Variants in STEAP1B observed in about 807,000 individuals in gnomAD.
The protein encoded by STEAP1B is STEAP family protein MGC87042.
In STEAP1B, 13 loss-of-function variants were observed where a neutral mutation model predicts 27.9. The ratio of observed to expected loss-of-function variants is 0.47; its 90% CI spans 0.30 to 0.74. The LOEUF is 0.74. Ranked by LOEUF, STEAP1B falls within the 30% of genes least tolerant of loss-of-function variation. The probability of loss-of-function intolerance (pLI) is 0.06; values close to 1 mark genes in which losing one functional copy is unlikely to be tolerated. For missense variants in STEAP1B, 250 were observed against 298.7 expected (o/e 0.84, Z 1.20); for synonymous variants, 86 against 107.1 (o/e 0.80, Z 1.22).
chr7:22,459,321 A>C (rs1225862169), intron 4 of STEAP1B, among the ~76,000 whole-genome samples: 2 of 152,274 alleles, frequency 1.3e-5, no homozygotes, highest in African/African-American at 4.8e-5. Context: ...AAAACAGATA[A>C]AGACAGGGTC....
chr7:22,456,766 C>T (rs1446252460), intron 4 of STEAP1B, among the ~76,000 whole-genome samples: 1 of 150,850 alleles, frequency 6.6e-6, no homozygotes, highest in Non-Finnish European at 1.5e-5. Flanking sequence ...CTGGTTTAGG[C>T]CAAGAAGGGA....
intron 4 of STEAP1B, among the ~76,000 whole-genome samples, chr7:22,440,922 G>A (rs887428118): frequency 2.0e-5 from 3 of 150,124 alleles, no homozygotes; most frequent in Non-Finnish European, 4.4e-5. Context: ...TAAAAATTGT[G>A]CTTTAATATT....
intron 4 of STEAP1B, among the ~76,000 whole-genome samples, chr7:22,425,063 T>G (rs142159062): frequency 7.0e-4 from 106 of 152,290 alleles, no homozygotes; most frequent in Admixed American, 2.9e-3. Context: ...ACACATAATT[T>G]AATGCTCTTT....
chr7:22,478,285 A>T (rs1331238954), intron 4 of STEAP1B, among the ~76,000 whole-genome samples: 1 of 152,246 alleles, frequency 6.6e-6, no homozygotes, highest in Non-Finnish European at 1.5e-5. Flanking sequence ...GACAGACTGC[A>T]GAGATGCCCA....
intron 4 of STEAP1B, among the ~76,000 whole-genome samples, chr7:22,420,381 G>C (rs1385290450): frequency 6.6e-6 from 1 of 152,116 alleles, no homozygotes; most frequent in Admixed American, 6.5e-5. Flanking sequence ...GTTCTCCCTT[G>C]GATTGTTGAA....
At chr7:22,478,917 G>A (rs991895579) in intron 4 of STEAP1B, among the ~76,000 whole-genome samples, 4 of 152,154 alleles carry the variant, frequency 2.6e-5, no homozygotes, top group East Asian at 1.9e-4. Flanking sequence ...GGGAACCGTG[G>A]AAGGAAGAGG....
At chr7:22,450,705 A>G (rs978184132) in intron 4 of STEAP1B, among the ~76,000 whole-genome samples, 5 of 151,032 alleles carry the variant, frequency 3.3e-5, no homozygotes, top group East Asian at 2.0e-4. Context: ...GTATTTTGAT[A>G]GAGATTAAAT....
intron 4 of STEAP1B, among the ~76,000 whole-genome samples, chr7:22,427,023 C>T (rs1785117682): frequency 6.6e-6 from 1 of 152,168 alleles, no homozygotes; most frequent in Non-Finnish European, 1.5e-5. Flanking sequence ...ACAAACACCC[C>T]TACACCAGGC....
intron 4 of STEAP1B, among the ~76,000 whole-genome samples, chr7:22,438,231 G>C (rs563030212): frequency 6.6e-6 from 1 of 152,208 alleles, no homozygotes; most frequent in East Asian, 1.9e-4. Context: ...AGCATCCTGA[G>C]CTCTCCCATG....
At chr7:22,493,925 T>G in intron 2 of STEAP1B, 89 bp from the exon 3 acceptor site, 3 of 1,430,454 alleles carry the variant, frequency 2.1e-6, no homozygotes, top group African/African-American at 1.5e-5. Flanking sequence ...ATCATTGTGC[T>G]TCTCATTGAA....
At chr7:22,433,082 A>G (rs77661822) in intron 4 of STEAP1B, among the ~76,000 whole-genome samples, 7,080 of 152,294 alleles carry the variant, frequency 0.046, 243 homozygotes, top group East Asian at 0.17. Context: ...CACAGGGGGA[A>G]GAATGAGAAG....
intron 4 of STEAP1B, among the ~76,000 whole-genome samples, chr7:22,440,442 T>C (rs1158474382): frequency 6.6e-6 from 1 of 152,186 alleles, no homozygotes; most frequent in African/African-American, 2.4e-5. Context: ...TGTAAAAATA[T>C]TTGTTGAATA....
intron 4 of STEAP1B, among the ~76,000 whole-genome samples, chr7:22,465,421 A>G (rs1785759963): frequency 1.3e-5 from 2 of 152,128 alleles, no homozygotes; most frequent in South Asian, 4.1e-4. Flanking sequence ...TTTGGAGTAC[A>G]CAGATTACCT....
At chr7:22,441,327 T>TG (rs1366518552) in intron 4 of STEAP1B, among the ~76,000 whole-genome samples, 1 of 152,222 alleles carries the variant, frequency 6.6e-6, no homozygotes, top group Non-Finnish European at 1.5e-5. Context: ...CTTGAGAGCA[T>TG]GGATTCAATT....
chr7:22,465,879 CCT>C (rs1443664608), intron 4 of STEAP1B, among the ~76,000 whole-genome samples: 5 of 152,166 alleles, frequency 3.3e-5, no homozygotes, highest in African/African-American at 1.2e-4. Flanking sequence ...ACAACACTCA[CCT>C]CCTAATGGCC....
At chr7:22,421,548 C>G (rs1024826181) in intron 4 of STEAP1B, among the ~76,000 whole-genome samples, 1 of 152,378 alleles carries the variant, frequency 6.6e-6, no homozygotes, top group African/African-American at 2.4e-5. Flanking sequence ...GGGTTTCTCC[C>G]TGTTGCCTGC....
intron 4 of STEAP1B, among the ~76,000 whole-genome samples, chr7:22,444,829 C>G (rs950940358): frequency 6.6e-6 from 1 of 152,146 alleles, no homozygotes; most frequent in East Asian, 1.9e-4. Flanking sequence ...TGGAGCCTAC[C>G]CATGTGAAAA....
At chr7:22,428,215 G>A (rs148216134) in intron 4 of STEAP1B, among the ~76,000 whole-genome samples, 12 of 152,330 alleles carry the variant, frequency 7.9e-5, no homozygotes, top group Non-Finnish European at 1.6e-4. Flanking sequence ...GGGTGCTTCT[G>A]TCCTGGGGGT....
chr7:22,456,972 A>ATATATATATTTTTTTTTTTTTTTT, intron 4 of STEAP1B, among the ~76,000 whole-genome samples: 19 of 57,058 alleles, frequency 3.3e-4, no homozygotes, highest in Non-Finnish European at 4.3e-4. Context: ...ATATATATAT[A>ATATATATATTTTTTTTTTTTTTTT]TTTTTTTTTT....
Sources: gnomAD v4.1 joint callset for allele counts (sites outside exome capture counted in the v4.1 genomes callset) on GRCh38, gnomAD v4.1.1 for gene constraint, MANE v1.5 for transcripts, NCBI Gene and HGNC (gene_info 2026-07-23, HGNC 2026-07-21) for gene names.